NOTO: variants seen among roughly 807,000 people sequenced by gnomAD.
NOTO encodes the protein notochord homeobox.
A neutral mutation model predicts 20.5 loss-of-function variants in NOTO; 19 were observed. The ratio of observed to expected loss-of-function variants is 0.93; its 90% CI spans 0.65 to 1.36. The LOEUF is 1.36. NOTO is among the 40% of genes most tolerant of loss of function. The pLI is 0.00. For synonymous variants in NOTO, 150 were observed against 150.2 expected (o/e 1.00, Z 0.01); for missense variants, 369 against 336.2 (o/e 1.10, Z -0.76).
rs1686179058 is a variant in NOTO, at chr2:73,211,416, G to C, written c.*487G>C. ...GGTGTACCCCACATTCCAACCTCCA[G>C]TTCAGCAAATTCTGACATGATCTAC... is the stretch of plus-strand genomic sequence containing the variant. On this transcript the variant is annotated 3_prime_UTR_variant, in exon 3 of 3. Coordinates refer to ENST00000398468, the MANE Select transcript of NOTO (RefSeq NM_001134462.2). 1 of 152,340 alleles carries C rather than the reference G, an allele frequency of 6.6e-6. No homozygotes were observed. The highest frequency in any genetic ancestry group is 1.5e-5 in the Non-Finnish European group (1 of 68,152). The allele number at this position is 152,340 out of a possible 1,614,324, so 9.4% of individuals were successfully genotyped here.
At position 73,203,047 on chromosome 2, in the gene NOTO, A is replaced by G. The variant is rs1044680217; in HGVS notation, c.381A>G (p.Thr127=). 3.2e-5 allele frequency: 45 copies of G among 1,387,762 alleles called. No homozygotes were observed. Among genetic ancestry groups the G allele is most frequent in the Non-Finnish European group, 3.9e-5 (42 of 1,075,386 alleles). The allele number at this position is 1,387,762 out of a possible 1,614,324, so 86.0% of individuals were successfully genotyped here. ...GCGGCCTGCTGGGCTTCGGCGTCAC[A>G]GGTACTGCGGTCCCGGCGCCCGCAC... ...PVCGLLGFGV[T]GLELAHCSGL... Residue 127 remains threonine (T), a splice_region_variant and synonymous_variant, in exon 1 of 3, where the codon ACA becomes ACG. Coordinates refer to ENST00000398468, the MANE Select transcript of NOTO (RefSeq NM_001134462.2).
Position 73,202,760 on chromosome 2 carries a change from T to A in NOTO, c.94T>A (p.Ser32Thr). Reference sequence around the variant, plus strand: ...CTCTGGCCGCTCTCCGGCGCCCAGGTCCCCTACTGGCCCGAACACGCCCCG... The same window carrying A: ...CTCTGGCCGCTCTCCGGCGCCCAGGACCCCTACTGGCCCGAACACGCCCCG... ...PRSGRSPAPRSPTGPNTPRAP... is the reference protein window; with the variant it reads ...PRSGRSPAPRTPTGPNTPRAP... Residue 32 changes from serine to threonine, a missense_variant, in exon 1 of 3, where the codon TCC becomes ACC. Coordinates refer to ENST00000398468, the MANE Select transcript of NOTO (RefSeq NM_001134462.2). 1.3e-6 allele frequency: 2 copies of A among 1,521,260 alleles called. No homozygotes were observed. The highest frequency in any genetic ancestry group is 1.2e-5 in the South Asian group (1 of 83,128). 94.2% of individuals were successfully genotyped at this position (1,521,260 alleles called of 1,614,324 possible).
chr2:73,209,730 C>T (rs906332862), intron 2 of NOTO, among the ~76,000 whole-genome samples: 2 of 152,184 alleles, frequency 1.3e-5, no homozygotes, highest in Non-Finnish European at 2.9e-5. Context: ...TCTCATCTGA[C>T]TTATATCTCT....
At position 73,210,915 on chromosome 2, in the gene NOTO, G is replaced by C. The variant is rs1165550322; in HGVS notation, c.742G>C (p.Gly248Arg). The change falls in exon 3 of 3, where the codon GGA becomes CGA. Residue 248 changes from glycine to arginine, a missense_variant. Gly to Arg is a moderately radical substitution (Grantham distance 125). Coordinates refer to ENST00000398468, the MANE Select transcript of NOTO (RefSeq NM_001134462.2). ...ASIQSDDAESGVDG is the reference protein window; with the variant it reads ...ASIQSDDAESRVDG ...TATCCAGAGTGATGATGCCGAGTCA[G>C]GAGTGGACGGCTGAAGACTGGGACA... The C allele has an allele frequency of 3.9e-6, 6 of 1,551,034 alleles. No homozygotes were observed. The African/African-American group carries it at 6.8e-5, about 18-fold the overall frequency.
At chr2:73,208,643 G>A (rs1390367472) in intron 2 of NOTO, 29 bp downstream of exon 2, 1 of 1,432,970 alleles carries the variant, frequency 7.0e-7, no homozygotes. Flanking sequence ...ATTGGGCCTG[G>A]GCTGCACCTG....
At chr2:73,206,539 A>G (rs1686090983) in intron 1 of NOTO, among the ~76,000 whole-genome samples, 1 of 152,000 alleles carries the variant, frequency 6.6e-6, no homozygotes, top group Non-Finnish European at 1.5e-5. Context: ...GGGTTTTACC[A>G]TGTTGCCCAG....
At chr2:73,206,787 C>CTT (rs969908382) in intron 1 of NOTO, among the ~76,000 whole-genome samples, 3,808 of 89,886 alleles carry the variant, frequency 0.042, 163 homozygotes, top group Non-Finnish European at 0.059. Flanking sequence ...CCAACTAGAG[C>CTT]TTTTTTTTTT....
Position 73,208,565 on chromosome 2 carries a change from GGAA to G in NOTO, c.554_556del (p.Lys185del). 1 of 1,551,570 alleles carries G rather than the reference GGAA, an allele frequency of 6.4e-7. No homozygotes were observed. Among genetic ancestry groups the G allele is most frequent in the Non-Finnish European group, 8.7e-7 (1 of 1,146,968 alleles). On this transcript the variant is annotated inframe_deletion, in exon 2 of 3. Coordinates refer to ENST00000398468, the MANE Select transcript of NOTO (RefSeq NM_001134462.2). The stretch of plus-strand genomic sequence containing the variant: ...TTTGCAAAACAGCACAATCTGGTGG[GGAA>G]GAAGAGAGCCCAGCTGGCAGCTCGG...
chr2:73,210,541 C>T (rs1686164480), intron 2 of NOTO, among the ~76,000 whole-genome samples: 1 of 152,232 alleles, frequency 6.6e-6, no homozygotes, highest in Admixed American at 6.5e-5. Context: ...TGTTGCTCAC[C>T]ACTGTATCAG....
In NOTO at chr2:73,203,107, C is replaced by A. The variant is rs1686030373; in HGVS notation, c.382+59C>A. On this transcript the variant is annotated intron_variant, in intron 1 of 2. Transcript: ENST00000398468. ...TGGGCGGGGGCTGGAGAGCCTAGGT[C>A]GCCACTGCCGGCGCCCCAGTGCAGG... 4 of 1,335,092 alleles carry A rather than the reference C, an allele frequency of 3.0e-6. No homozygotes were observed. The East Asian group carries it at 9.3e-5, about 31-fold the overall frequency. 82.7% of individuals were successfully genotyped at this position (1,335,092 alleles called of 1,614,324 possible). A position where few individuals can be genotyped will look rare whatever the true frequency, so the allele number is the denominator to read the frequency against.
chr2:73,205,105 C>T (rs1456793014), intron 1 of NOTO, among the ~76,000 whole-genome samples: 2 of 152,068 alleles, frequency 1.3e-5, no homozygotes, highest in South Asian at 4.1e-4. Context: ...TGGTCTTGAT[C>T]TCCTGACCTC....
chr2:73,209,144 C>T (rs1377330151), intron 2 of NOTO, among the ~76,000 whole-genome samples: 8 of 135,592 alleles, frequency 5.9e-5, no homozygotes, highest in Non-Finnish European at 1.1e-4. Flanking sequence ...CACTGCACTC[C>T]AGCTTGGGCA....
rs547082271 is a variant in NOTO, at chr2:73,211,699, C to T, written c.*770C>T. 2.0e-5 allele frequency: 3 copies of T among 152,302 alleles called. No individual in the cohort carries two copies. In the East Asian group the frequency reaches 5.8e-4, roughly 29 times the overall value. The allele number at this position is 152,302 out of a possible 1,614,324, so 9.4% of individuals were successfully genotyped here. On this transcript the variant is annotated 3_prime_UTR_variant, in exon 3 of 3. Coordinates refer to ENST00000398468, the MANE Select transcript of NOTO (RefSeq NM_001134462.2). ...GGTCAGGCTGGTCTTGAACTGCTGA[C>T]CTTGTGATCCACCCACCTCGGCCTC...
Position 73,208,599 on chromosome 2 carries a change from A to T in NOTO, c.582A>T (p.Lys194Asn). 1 of 1,550,678 alleles carries T rather than the reference A, an allele frequency of 6.4e-7. No individual in the cohort carries two copies. The highest frequency in any genetic ancestry group is 8.7e-7 in the Non-Finnish European group (1 of 1,146,386). The change falls in exon 2 of 3, where the codon AAA becomes AAT. Residue 194 changes from lysine to asparagine, a missense_variant. Physicochemically the swap from Lys to Asn is moderately conservative, Grantham distance 94. Coordinates refer to ENST00000398468, the MANE Select transcript of NOTO (RefSeq NM_001134462.2). ...GAGCCCAGCTGGCAGCTCGGCTCAA[A>T]CTTACAGAGAACCAGGTGGGAGTAG... Reference protein sequence around the residue: ...KKRAQLAARLKLTENQVRVWF... With the variant: ...KKRAQLAARLNLTENQVRVWF...
intron 2 of NOTO, among the ~76,000 whole-genome samples, chr2:73,209,356 C>T (rs1331989977): frequency 6.6e-6 from 1 of 152,056 alleles, no homozygotes; most frequent in East Asian, 1.9e-4. Flanking sequence ...TCGCCTCCCA[C>T]TCACTGCTTC....
At position 73,202,602 on chromosome 2, in the gene NOTO, T is replaced by G; in HGVS notation, c.-65T>G. The stretch of plus-strand genomic sequence containing the variant: ...AGACAACCGGTCTTGCTCGCTGCCT[T>G]TTGCAGAATCTTCTCACTTCTCCCG... On this transcript the variant is annotated 5_prime_UTR_variant, in exon 1 of 3. Coordinates refer to ENST00000398468, the MANE Select transcript of NOTO (RefSeq NM_001134462.2). 7.3e-7 allele frequency: 1 copy of G among 1,376,912 alleles called. No individual in the cohort carries two copies. Among genetic ancestry groups the G allele is most frequent in the African/African-American group, 1.5e-5 (1 of 65,142 alleles). The allele number at this position is 1,376,912 out of a possible 1,614,324, so 85.3% of individuals were successfully genotyped here.
At chr2:73,207,442 C>T (rs72809929) in intron 1 of NOTO, among the ~76,000 whole-genome samples, 11,134 of 152,290 alleles carry the variant, frequency 0.073, 538 homozygotes, top group Non-Finnish European at 0.11. Flanking sequence ...TCCCTCATCC[C>T]CATCAAGATT....
At chr2:73,208,344 T>A (rs1325229413) in intron 1 of NOTO, 56 bp from the exon 2 acceptor site, 2 of 1,279,428 alleles carry the variant, frequency 1.6e-6, no homozygotes, top group Non-Finnish European at 1.1e-6. Context: ...GCAGGGGGCT[T>A]CTGGCTAACC....
At position 73,202,638 on chromosome 2, in the gene NOTO, C is replaced by A. The variant is rs1399100298; in HGVS notation, c.-29C>A. 6 of 1,429,054 alleles carry A rather than the reference C, an allele frequency of 4.2e-6. No homozygotes were observed. The highest frequency in any genetic ancestry group is 4.5e-6 in the Non-Finnish European group (5 of 1,100,658). 88.5% of individuals were successfully genotyped at this position (1,429,054 alleles called of 1,614,324 possible). The stretch of plus-strand genomic sequence containing the variant: ...TTCTCACTTCTCCCGAGCTCCCTTC[C>A]TTGCGTCCGTCCGGGCAACGGCCGC... On this transcript the variant is annotated 5_prime_UTR_variant, in exon 1 of 3. Coordinates refer to ENST00000398468, the MANE Select transcript of NOTO (RefSeq NM_001134462.2).
Sources: gnomAD v4.1 joint callset for allele counts (sites outside exome capture counted in the v4.1 genomes callset) on GRCh38, gnomAD v4.1.1 for gene constraint, MANE v1.5 for transcripts, NCBI Gene and HGNC (gene_info 2026-07-23, HGNC 2026-07-21) for gene names.